Variants in AIG1 observed in about 807,000 individuals in gnomAD.
AIG1 encodes the protein androgen induced 1.
AIG1 carries 23 observed loss-of-function variants against 31.4 expected under a neutral mutation model. That is an observed-to-expected ratio of 0.73 (90% CI 0.53 to 1.04). AIG1 has a LOEUF of 1.04. Among genes scored for constraint, AIG1 ranks in the 50% least tolerant of loss-of-function variants. The pLI is 0.00. For synonymous variants in AIG1, 100 were observed against 110.5 expected (o/e 0.90, Z 0.60); for missense variants, 274 against 295.0 (o/e 0.93, Z 0.52).
chr6:143,322,367 C>G (rs918348416), intron 4 of AIG1, among the ~76,000 whole-genome samples: 7 of 152,172 alleles, frequency 4.6e-5, no homozygotes, highest in South Asian at 4.1e-4. Flanking sequence ...CCTCCTCCCC[C>G]TCCAGAGCTA....
At chr6:143,316,466 T>A (rs189666509) in intron 4 of AIG1, among the ~76,000 whole-genome samples, 101 of 152,098 alleles carry the variant, frequency 6.6e-4, no homozygotes, top group African/African-American at 2.3e-3. Context: ...AAATCTGCTG[T>A]TAATCTGTTA....
intron 3 of AIG1, among the ~76,000 whole-genome samples, chr6:143,276,724 A>AAGGG (rs1474881374): frequency 6.6e-6 from 1 of 151,688 alleles, no homozygotes; most frequent in East Asian, 1.9e-4. Flanking sequence ...CTCTACTAGG[A>AAGGG]AGGGAGGGAG....
At chr6:143,342,420 A>G (rs1777876296), downstream of AIG1, 1 of 746,794 alleles carries the variant, frequency 1.3e-6, no homozygotes, top group Admixed American at 1.9e-5. Context: ...AGAACCCAGT[A>G]AGGTTGAACC....
At chr6:143,128,488 G>A (rs1261057870) in intron 1 of AIG1, among the ~76,000 whole-genome samples, 3 of 152,128 alleles carry the variant, frequency 2.0e-5, no homozygotes, top group East Asian at 1.9e-4. Context: ...AGCATGCAAC[G>A]TAAAATAATA....
chr6:143,255,314 A>G (rs1006680981), intron 3 of AIG1, among the ~76,000 whole-genome samples: 3 of 152,248 alleles, frequency 2.0e-5, no homozygotes, highest in South Asian at 2.1e-4. Context: ...AACAACAGAA[A>G]TTTGTTTTCC....
chr6:143,060,865 C>G (rs1776171600), upstream of AIG1: 1 of 1,194,014 alleles, frequency 8.4e-7, no homozygotes, highest in South Asian at 3.0e-5. Flanking sequence ...CCCCCGCGCG[C>G]CCGGCGCCTC....
chr6:143,219,903 C>T (rs1792336289), intron 3 of AIG1, among the ~76,000 whole-genome samples: 1 of 152,220 alleles, frequency 6.6e-6, no homozygotes, highest in Admixed American at 6.5e-5. Flanking sequence ...GCCTTCACTA[C>T]ACAACGGCAT....
chr6:143,149,671 A>T (rs1206047521), intron 2 of AIG1, among the ~76,000 whole-genome samples: 1 of 151,806 alleles, frequency 6.6e-6, no homozygotes, highest in Non-Finnish European at 1.5e-5. Context: ...TTTCCCTTTG[A>T]TACACTGTTT....
chr6:143,254,092 T>C (rs1795199422), intron 3 of AIG1, among the ~76,000 whole-genome samples: 1 of 152,124 alleles, frequency 6.6e-6, no homozygotes, highest in Non-Finnish European at 1.5e-5. Context: ...TTCAAAGTGG[T>C]GGGTTCCTGC....
At chr6:143,111,158 C>A (rs1781241348) in intron 1 of AIG1, among the ~76,000 whole-genome samples, 1 of 152,154 alleles carries the variant, frequency 6.6e-6, no homozygotes, top group South Asian at 2.1e-4. Flanking sequence ...GGTTACTACT[C>A]TGTTTTTCTT....
chr6:143,252,497 G>T (rs996291809), intron 3 of AIG1, among the ~76,000 whole-genome samples: 5 of 152,108 alleles, frequency 3.3e-5, no homozygotes, highest in Non-Finnish European at 7.4e-5. Context: ...AAATGAGGAT[G>T]GGGGGAGGCC....
rs929562055 is a variant in AIG1, at chr6:143,330,317, T to C, written c.516-2965T>C. Among the ~76,000 whole-genome samples, 3 of 152,148 alleles carry C rather than the reference T, an allele frequency of 2.0e-5. No homozygotes were observed. Among genetic ancestry groups the C allele is most frequent in the Non-Finnish European group, 2.9e-5 (2 of 68,026 alleles). On this transcript the variant is annotated intron_variant, in intron 4 of 5. Coordinates refer to ENST00000357847, the MANE Select transcript of AIG1 (RefSeq NM_016108.4). This position sits in a 1 kb window ranked among gnomAD's most constrained non-coding sequence, Gnocchi z 4.4. Reference sequence around the variant, plus strand: ...GAGAGTTTGAGGGTAGAGGTTGCAATTTTTAGATACAGTGGCCAGGGAAGA... The same window carrying C: ...GAGAGTTTGAGGGTAGAGGTTGCAACTTTTAGATACAGTGGCCAGGGAAGA...
chr6:143,149,161 T>C (rs1583327626), intron 2 of AIG1, among the ~76,000 whole-genome samples: 1 of 152,162 alleles, frequency 6.6e-6, no homozygotes. Context: ...ATTATATGCC[T>C]GATAGACATT....
rs1777797656 is a variant in AIG1 at position 143,340,137 on chromosome 6, G to C, written c.*461G>C. 1 of 152,608 alleles carries C rather than the reference G, an allele frequency of 6.6e-6. No homozygotes were observed. Among genetic ancestry groups the C allele is most frequent in the Admixed American group, 6.5e-5 (1 of 15,286 alleles). 9.5% of individuals were successfully genotyped at this position (152,608 alleles called of 1,614,324 possible). Reference sequence around the variant, plus strand: ...CACCATGGGGACCTGAGAGGGAAGGGGACAGATGTTTCTCATTGCATAATG... The same window carrying C: ...CACCATGGGGACCTGAGAGGGAAGGCGACAGATGTTTCTCATTGCATAATG... On this transcript the variant is annotated 3_prime_UTR_variant, in exon 6 of 6. Transcript: ENST00000357847.
chr6:143,234,764 A>G (rs1047230766), intron 3 of AIG1, among the ~76,000 whole-genome samples: 1 of 152,232 alleles, frequency 6.6e-6, no homozygotes. Context: ...AATTAGACTC[A>G]GGAACCTAAA....
Position 143,333,998 on chromosome 6 carries a change from CA to C in AIG1, c.679+554del. On this transcript the variant is annotated intron_variant, in intron 5 of 5. Transcript: ENST00000357847. This position sits in a 1 kb window ranked among gnomAD's most constrained non-coding sequence, Gnocchi z 4.6. ...TCTGAAAGTGGCAAAGAGCTACAAG[CA>C]GTAAAAGATAATATTTCGTGGCTGG... is the stretch of plus-strand genomic sequence containing the variant. 6.9e-7 allele frequency: 1 copy of C among 1,455,648 alleles called. No individual in the cohort carries two copies. Among genetic ancestry groups the C allele is most frequent in the Middle Eastern group, 1.7e-4 (1 of 5,776 alleles). 90.2% of individuals were successfully genotyped at this position (1,455,648 alleles called of 1,614,324 possible).
At position 143,094,380 on chromosome 6, in the gene AIG1, C is replaced by T. The variant is rs138614432; in HGVS notation, c.141+33314C>T. 82 of 152,218 alleles carry T rather than the reference C, an allele frequency of 5.4e-4. 1 individual carries two copies. The highest frequency in any genetic ancestry group is 1.8e-3 in the African/African-American group (73 of 41,524). The allele number at this position is 152,218 out of a possible 1,614,324, so 9.4% of individuals were successfully genotyped here. ...AAGCACTAACAGAAGTACGTTACAT[C>T]CTGGGAGATGTAATATACACAAATA... On this transcript the variant is annotated intron_variant, in intron 1 of 5. Transcript: ENST00000357847.
chr6:143,102,137 A>G (rs1318326685), intron 1 of AIG1, among the ~76,000 whole-genome samples: 3 of 152,026 alleles, frequency 2.0e-5, no homozygotes, highest in African/African-American at 7.2e-5. Context: ...AAATATAAAT[A>G]TTTTATAGCT....
At chr6:143,245,257 A>C (rs1207527221) in intron 3 of AIG1, among the ~76,000 whole-genome samples, 2 of 152,236 alleles carry the variant, frequency 1.3e-5, no homozygotes. Context: ...GGTAGATGGA[A>C]GGTATTATTC....
Sources: allele counts gnomAD v4.1 joint callset (sites outside exome capture counted in the v4.1 genomes callset), GRCh38; gene constraint gnomAD v4.1.1; non-coding constraint Gnocchi (gnomAD v3.1); transcripts MANE v1.5; gene names NCBI Gene and HGNC (gene_info 2026-07-23, HGNC 2026-07-21).